Variants in PHIP observed in about 807,000 individuals in gnomAD.
The protein encoded by PHIP is PH-interacting protein.
In PHIP, 54 loss-of-function variants were observed where a neutral mutation model predicts 236.8. The ratio of observed to expected loss-of-function variants is 0.23; its 90% CI spans 0.18 to 0.29. The LOEUF is 0.29. Ranked by LOEUF, PHIP falls within the 10% of genes least tolerant of loss-of-function variation. PHIP has a pLI of 1.00. For synonymous variants in PHIP, 756 were observed against 718.9 expected (o/e 1.05, Z -0.83); for missense variants, 1,370 against 2,190.8 (o/e 0.63, Z 7.48).
Position 78,935,677 on chromosome 6 carries a change from T to A in PHIP, c.*5016A>T. The stretch of plus-strand genomic sequence containing the variant: ...AATTACATTTCGGCACCCAAATATC[T>A]TTTAACTGACAGTTTTCACACTTTG... On this transcript the variant is annotated 3_prime_UTR_variant, in exon 40 of 40. Transcript: ENST00000275034. 3.0e-6 allele frequency: 3 copies of A among 984,524 alleles called. No homozygotes were observed. The highest frequency in any genetic ancestry group is 3.6e-6 in the Non-Finnish European group (3 of 829,124). The allele number at this position is 984,524 out of a possible 1,614,324, so 61.0% of individuals were successfully genotyped here.
intron 4 of PHIP, among the ~76,000 whole-genome samples, chr6:79,066,898 T>C (rs985587663): frequency 6.6e-6 from 1 of 152,114 alleles, no homozygotes; most frequent in Non-Finnish European, 1.5e-5. Context: ...TTGTTTTTGT[T>C]TGTTTTTTAA....
intron 9 of PHIP, among the ~76,000 whole-genome samples, chr6:79,020,402 G>A (rs937066737): frequency 1.3e-5 from 2 of 152,152 alleles, no homozygotes; most frequent in African/African-American, 4.8e-5. Context: ...ATCTCATTTA[G>A]AGAGACAGAT....
intron 20 of PHIP, among the ~76,000 whole-genome samples, chr6:78,990,581 G>A (rs1446420950): frequency 2.6e-5 from 4 of 152,112 alleles, no homozygotes; most frequent in African/African-American, 7.2e-5. Context: ...TGGCACACAA[G>A]ATTATGAAGA....
rs747408497 is a variant in PHIP, at chr6:78,955,214, A to G, written c.3903+18T>C. The G allele has an allele frequency of 1.9e-6, 3 of 1,568,754 alleles. No homozygotes were observed. In the Admixed American group the frequency reaches 5.2e-5, roughly 27 times the overall value. Reference sequence around the variant, plus strand: ...TAATTCATATAAAGTACTTCTGCTAAAACTAAAACTATATTACCTTCCTTT... The same window carrying G: ...TAATTCATATAAAGTACTTCTGCTAGAACTAAAACTATATTACCTTCCTTT... On this transcript the variant is annotated intron_variant, in intron 34 of 39. Transcript: ENST00000275034.
rs750740222 is a variant in PHIP, at chr6:79,078,047, G to C, written c.22C>G (p.Leu8Val). The change falls in exon 1 of 40, where the codon CTC becomes GTC. Residue 8 changes from leucine to valine, a missense_variant. Transcript: ENST00000275034. ...GACTTACCCGATCGCAGCTCCGAGAGGCCTTTCCTCTCACAAGACATGTTT... is the reference window on the plus strand; with the variant it reads ...GACTTACCCGATCGCAGCTCCGAGACGCCTTTCCTCTCACAAGACATGTTT... MSCERKG[L>V]SELRSELYFL... 1 of 1,609,276 alleles carries C rather than the reference G, an allele frequency of 6.2e-7. No individual in the cohort carries two copies. The highest frequency in any genetic ancestry group is 8.5e-7 in the Non-Finnish European group (1 of 1,179,434).
At chr6:78,958,624 T>C in intron 31 of PHIP, 24 bp from the exon 32 acceptor site, 1 of 1,416,682 alleles carries the variant, frequency 7.1e-7, no homozygotes, top group Non-Finnish European at 9.9e-7. Flanking sequence ...AATATAGAAG[T>C]TTTAACTTCC....
intron 6 of PHIP, among the ~76,000 whole-genome samples, chr6:79,060,112 A>G (rs1773297948): frequency 1.3e-5 from 2 of 152,046 alleles, no homozygotes; most frequent in African/African-American, 2.4e-5. Context: ...AAAAGAAAAA[A>G]AAAAAAAAGT....
chr6:79,061,475 A>C (rs1346408191), intron 4 of PHIP, among the ~76,000 whole-genome samples: 1 of 152,164 alleles, frequency 6.6e-6, no homozygotes, highest in East Asian at 1.9e-4. Context: ...ATGTCTTAAC[A>C]GACTGAATGC....
At chr6:79,039,704 A>G (rs891944671) in intron 7 of PHIP, among the ~76,000 whole-genome samples, 3 of 152,142 alleles carry the variant, frequency 2.0e-5, no homozygotes, top group South Asian at 2.1e-4. Flanking sequence ...AAAAGGGGGG[A>G]AAACTCTGCT....
chr6:79,069,010 T>G (rs960056765), intron 4 of PHIP, among the ~76,000 whole-genome samples: 2 of 151,964 alleles, frequency 1.3e-5, no homozygotes, highest in Non-Finnish European at 2.9e-5. Flanking sequence ...AAATCTATTC[T>G]CTCACAGTTT....
At chr6:78,946,919 A>T (rs770150897) in intron 36 of PHIP, 45 bp from the exon 37 acceptor site, 1 of 1,260,010 alleles carries the variant, frequency 7.9e-7, no homozygotes, top group Non-Finnish European at 1.1e-6. Context: ...TTGGAGGAAA[A>T]TACCTTTGTT....
chr6:78,980,591 A>T (rs1256251650), intron 23 of PHIP, among the ~76,000 whole-genome samples: 3 of 152,004 alleles, frequency 2.0e-5, no homozygotes, highest in African/African-American at 7.2e-5. Flanking sequence ...TTGGTAAATA[A>T]GTTTTGTAGG....
intron 35 of PHIP, among the ~76,000 whole-genome samples, chr6:78,948,399 G>A (rs184121395): frequency 6.6e-6 from 1 of 152,208 alleles, no homozygotes; most frequent in Admixed American, 6.5e-5. Flanking sequence ...AAACACACAC[G>A]TGAAACAGGA....
chr6:79,073,774 A>C (rs1334724305), intron 4 of PHIP, among the ~76,000 whole-genome samples: 5 of 152,146 alleles, frequency 3.3e-5, no homozygotes, highest in Non-Finnish European at 7.4e-5. Context: ...GGCATTTTAC[A>C]ACGTAGTTAG....
chr6:78,988,795 C>CTCTTCTGT (rs1258096827), intron 20 of PHIP, among the ~76,000 whole-genome samples: 2 of 151,026 alleles, frequency 1.3e-5, no homozygotes, highest in African/African-American at 4.9e-5. Context: ...CTAAACCAAA[C>CTCTTCTGT]ACTGAACTCT....
chr6:79,002,632 T>G (rs1013453694), intron 16 of PHIP, among the ~76,000 whole-genome samples: 9 of 152,076 alleles, frequency 5.9e-5, no homozygotes, highest in African/African-American at 1.7e-4. Flanking sequence ...CTTTCCAAGG[T>G]TTTAGACATC....
intron 3 of PHIP, 21 bp downstream of exon 3, chr6:79,077,679 C>A: frequency 1.0e-6 from 1 of 982,796 alleles, no homozygotes; most frequent in Middle Eastern, 5.2e-4. Flanking sequence ...GCGGGACGCG[C>A]CGGGCCGCCG....
chr6:78,947,412 AGTAACCATTCCC>A (rs1405447599), intron 36 of PHIP, among the ~76,000 whole-genome samples, 199 bp downstream of exon 36: 1 of 152,228 alleles, frequency 6.6e-6, no homozygotes, highest in East Asian at 1.9e-4. Flanking sequence ...CTTCAAGAAA[AGTAACCATTCCC>A]AGACATCAAA....
rs190292337 is a variant in PHIP at position 78,971,766 on chromosome 6, C to T, written c.2890-878G>A. On this transcript the variant is annotated intron_variant, in intron 24 of 39. Transcript: ENST00000275034. The stretch of plus-strand genomic sequence containing the variant: ...CTTTCCTAATCAAAGAAAGGGGTGA[C>T]GGACGGCACCTGGAAAATCGGGTCA... Among the ~76,000 whole-genome samples the T allele has an allele frequency of 1.3e-3, 202 of 152,272 alleles. 1 individual carries two copies. The highest frequency in any genetic ancestry group is 8.3e-3 in the South Asian group (40 of 4,822).
Sources: allele counts gnomAD v4.1 joint callset (sites outside exome capture counted in the v4.1 genomes callset), GRCh38; gene constraint gnomAD v4.1.1; transcripts MANE v1.5; gene names NCBI Gene and HGNC (gene_info 2026-07-23, HGNC 2026-07-21).